Variants in GSDMD observed in about 807,000 individuals in gnomAD.
The protein encoded by GSDMD is gasdermin-D.
GSDMD carries 46 observed loss-of-function variants against 46.7 expected under a neutral mutation model. The ratio of observed to expected loss-of-function variants is 0.99; its 90% CI spans 0.78 to 1.26. The LOEUF is 1.26. Ranked by LOEUF, GSDMD falls within the 50% of genes most tolerant of loss-of-function variation. The pLI is 0.00. For missense variants in GSDMD, 649 were observed against 638.8 expected (o/e 1.02, Z -0.17); for synonymous variants, 307 against 283.1 (o/e 1.08, Z -0.85).
chr8:143,562,527 AG>A lies in GSDMD; in HGVS notation c.1212+9del, dbSNP rs1823492196. ...TGTTGGGGCCGCTCGAGCTGGTGAG[AG>A]GGTTGGGTTCGGGCTGCAGGAGGAT... On this transcript the variant is annotated splice_region_variant and intron_variant, in intron 10 of 10. Coordinates refer to ENST00000262580, the MANE Select transcript of GSDMD (RefSeq NM_024736.7). The A allele has an allele frequency of 1.9e-6, 3 of 1,605,600 alleles. No individual in the cohort carries two copies. Among genetic ancestry groups the A allele is most frequent in the South Asian group, 2.2e-5 (2 of 90,688 alleles).
chr8:143,553,717 T>G (rs1033804557), upstream of GSDMD: 7 of 146,854 alleles, frequency 4.8e-5, no homozygotes, highest in Admixed American at 3.3e-4. Flanking sequence ...GAACTGAGTG[T>G]GGACAGAGCA....
upstream of GSDMD, among the ~76,000 whole-genome samples, chr8:143,556,269 A>G (rs1032586250): frequency 3.3e-5 from 5 of 151,832 alleles, no homozygotes; most frequent in African/African-American, 4.8e-5. Flanking sequence ...AGTCCCAACT[A>G]CTCGGGAGGC....
chr8:143,558,450 C>T lies in GSDMD; in HGVS notation c.-6C>T. On this transcript the variant is annotated splice_region_variant and 5_prime_UTR_variant, in exon 1 of 11. In the 5' UTR this introduces an upstream ATG that the reference lacks. Coordinates refer to ENST00000262580, the MANE Select transcript of GSDMD (RefSeq NM_024736.7). The stretch of plus-strand genomic sequence containing the variant: ...GCCACCCTCGGGGCGCCGACGGTCA[C>T]GGTGAGCTGCGCCCCGCCCCCTCCC... 4 of 1,494,732 alleles carry T rather than the reference C, an allele frequency of 2.7e-6. No individual in the cohort carries two copies. Among genetic ancestry groups the T allele is most frequent in the East Asian group, 2.8e-5 (1 of 35,732 alleles). The allele number at this position is 1,494,732 out of a possible 1,614,324, so 92.6% of individuals were successfully genotyped here.
At chr8:143,559,612 C>A in intron 2 of GSDMD, 60 bp downstream of exon 2, 1 of 1,525,038 alleles carries the variant, frequency 6.6e-7, no homozygotes, top group South Asian at 1.2e-5. Context: ...GGGGAGCGGG[C>A]TGGGGCCAAC....
chr8:143,554,188 C>T (rs1195028810), upstream of GSDMD, among the ~76,000 whole-genome samples: 1 of 151,500 alleles, frequency 6.6e-6, no homozygotes, highest in Admixed American at 6.6e-5. Context: ...GGCGTGGCAC[C>T]GGCTGCGCAC....
At position 143,562,191 on chromosome 8, in the gene GSDMD, C is replaced by T. The variant is rs1823479828; in HGVS notation, c.997-18C>T. ...CTGCCCAGCCAGCCAGACTCACCTG[C>T]CCTTCCCGTGCCCACAGCTGGAGCA... is the stretch of plus-strand genomic sequence containing the variant. On this transcript the variant is annotated intron_variant, in intron 8 of 10. Coordinates refer to ENST00000262580, the MANE Select transcript of GSDMD (RefSeq NM_024736.7). The T allele has an allele frequency of 2.5e-6, 4 of 1,588,586 alleles. No individual in the cohort carries two copies. Among genetic ancestry groups the T allele is most frequent in the African/African-American group, 1.3e-5 (1 of 74,690 alleles).
chr8:143,557,958 G>A (rs1465352549), upstream of GSDMD: 1 of 437,342 alleles, frequency 2.3e-6, no homozygotes, highest in Admixed American at 2.5e-5. Flanking sequence ...ACAATGGCAT[G>A]ATCTCGGCTC....
At chr8:143,559,586 G>C (rs763067762) in intron 2 of GSDMD, 34 bp downstream of exon 2, 21 of 1,586,104 alleles carry the variant, frequency 1.3e-5, no homozygotes, top group Middle Eastern at 1.7e-4. Context: ...GAGCCCCAGG[G>C]AGGCTGGATG....
chr8:143,557,993 C>T (rs1275690910), upstream of GSDMD: 1 of 401,742 alleles, frequency 2.5e-6, no homozygotes. Flanking sequence ...CTCCCAGGTT[C>T]AAGCGATTCT....
rs773298866 is a variant in GSDMD at position 143,562,781 on chromosome 8, G to A, written c.1332G>A (p.Glu444=). ...EGAPAWVLLD[E]CGLELGEDTP... is the part of the protein sequence containing the mutation. ...CACCGGCCTGGGTCTTGCTGGACGAGTGTGGCCTAGAGCTGGGGGAGGACA... is the reference window on the plus strand; with the variant it reads ...CACCGGCCTGGGTCTTGCTGGACGAATGTGGCCTAGAGCTGGGGGAGGACA... Residue 444 remains glutamate (E), a synonymous_variant, in exon 11 of 11, where the codon GAG becomes GAA. Transcript: ENST00000262580. 5.6e-6 allele frequency: 9 copies of A among 1,594,650 alleles called. No individual in the cohort carries two copies. Among genetic ancestry groups the A allele is most frequent in the Middle Eastern group, 1.7e-4 (1 of 6,060 alleles).
chr8:143,559,127 C>A, intron 1 of GSDMD: 1 of 602,008 alleles, frequency 1.7e-6, no homozygotes, highest in Non-Finnish European at 3.0e-6. Context: ...GTACCGTAGA[C>A]AACAGGGAGA....
In GSDMD at chr8:143,562,278, C is replaced by G. The variant is rs369365885; in HGVS notation, c.1066C>G (p.Leu356Val). 33 of 1,556,292 alleles carry G rather than the reference C, an allele frequency of 2.1e-5. No homozygotes were observed. The Middle Eastern group carries it at 5.0e-4, about 24-fold the overall frequency. Residue 356 changes from leucine to valine, a missense_variant, in exon 9 of 11, where the codon CTG becomes GTG. Coordinates refer to ENST00000262580, the MANE Select transcript of GSDMD (RefSeq NM_024736.7). ...TCCAGCAGGTGCTGTCCTGGAGTGC[C>G]TGGTGTTGTCCTCCGGAATGCTGGT... ...DGPAGAVLEC[L>V]VLSSGMLVPE... is the part of the protein sequence containing the mutation.
Position 143,560,771 on chromosome 8 carries a change from G to T in GSDMD, c.579G>T (p.Gln193His). 6.5e-7 allele frequency: 1 copy of T among 1,539,908 alleles called. No homozygotes were observed. The highest frequency in any genetic ancestry group is 8.8e-7 in the Non-Finnish European group (1 of 1,141,680). Residue 193 changes from glutamine (Q) to histidine (H), a missense_variant and splice_region_variant, in exon 4 of 11, where the codon CAG (glutamine) becomes CAT (histidine). Physicochemically the swap from Gln to His is conservative, Grantham distance 24 (BLOSUM62 0). Coordinates refer to ENST00000262580, the MANE Select transcript of GSDMD (RefSeq NM_024736.7). ...RFSLPGATCL[Q>H]GEGQGHLSQK... ...CCCTGCCCGGAGCCACGTGCTTGCAGGTGTGTAGCCAGCCCCGGGCCACGC... is the reference window on the plus strand; with the variant it reads ...CCCTGCCCGGAGCCACGTGCTTGCATGTGTGTAGCCAGCCCCGGGCCACGC...
Position 143,558,387 on chromosome 8 carries a change from G to A in GSDMD, c.-69G>A, listed in dbSNP as rs759133695. 114 of 1,518,726 alleles carry A rather than the reference G, an allele frequency of 7.5e-5. No homozygotes were observed. The highest frequency in any genetic ancestry group is 9.1e-5 in the Non-Finnish European group (104 of 1,139,936). 94.1% of individuals were successfully genotyped at this position (1,518,726 alleles called of 1,614,324 possible). ...CTCTGGGCACCTCCAGCTCCTGCTC[G>A]CCGGACGGCTCCCAGGGAGAGCAGA... On this transcript the variant is annotated 5_prime_UTR_variant, in exon 1 of 11. Transcript: ENST00000262580.
At chr8:143,556,611 G>A (rs532543338), upstream of GSDMD, among the ~76,000 whole-genome samples, 1 of 152,328 alleles carries the variant, frequency 6.6e-6, no homozygotes, top group East Asian at 1.9e-4. Flanking sequence ...GGGACCCGCA[G>A]GGCACCACTG....
At chr8:143,561,595 C>A in intron 6 of GSDMD, 147 bp from the exon 7 acceptor site, 1 of 885,892 alleles carries the variant, frequency 1.1e-6, no homozygotes, top group Non-Finnish European at 1.7e-6. Flanking sequence ...TGACCCTGGG[C>A]CTCCCCAGCC....
At chr8:143,556,367 A>C (rs1048680499), upstream of GSDMD, among the ~76,000 whole-genome samples, 1 of 152,204 alleles carries the variant, frequency 6.6e-6, no homozygotes, top group Non-Finnish European at 1.5e-5. Context: ...TGACAGAGCA[A>C]GACTCAGTCT....
upstream of GSDMD, among the ~76,000 whole-genome samples, chr8:143,557,375 A>ATGGCGAAGGATGATGCCGCTT (rs1823325227): frequency 4.2e-5 from 3 of 71,596 alleles, no homozygotes; most frequent in African/African-American, 1.5e-4. Flanking sequence ...TGCTGCCGCT[A>ATGGCGAAGGATGATGCCGCTT]TGGCGAAGGA....
In GSDMD at chr8:143,562,539, G is replaced by T. The variant is rs1277025900; in HGVS notation, c.1212+18G>T. The T allele has an allele frequency of 4.4e-6, 7 of 1,604,426 alleles. No individual in the cohort carries two copies. Among genetic ancestry groups the T allele is most frequent in the Non-Finnish European group, 5.1e-6 (6 of 1,179,106 alleles). ...TCGAGCTGGTGAGAGGGTTGGGTTCGGGCTGCAGGAGGATGGGCTGAGCCA... is the reference window on the plus strand; with the variant it reads ...TCGAGCTGGTGAGAGGGTTGGGTTCTGGCTGCAGGAGGATGGGCTGAGCCA... On this transcript the variant is annotated intron_variant, in intron 10 of 10. Coordinates refer to ENST00000262580, the MANE Select transcript of GSDMD (RefSeq NM_024736.7).
Sources: allele counts gnomAD v4.1 joint callset (sites outside exome capture counted in the v4.1 genomes callset), GRCh38; gene constraint gnomAD v4.1.1; transcripts MANE v1.5; gene names NCBI Gene and HGNC (gene_info 2026-07-23, HGNC 2026-07-21).